The following CPXM2 variants were observed in gnomAD, a reference collection of about 807,000 sequenced individuals.
The protein encoded by CPXM2 is carboxypeptidase X, M14 family member 2.
A neutral mutation model predicts 86.1 loss-of-function variants in CPXM2; 66 were observed. The observed-to-expected ratio is 0.77, with a 90% CI of 0.63 to 0.94. The LOEUF is 0.94. CPXM2 is among the 40% of genes least tolerant of loss of function. CPXM2 has a pLI of 0.00. For synonymous variants in CPXM2, 388 were observed against 400.2 expected (o/e 0.97, Z 0.36); for missense variants, 948 against 1,026.3 (o/e 0.92, Z 1.04).
In CPXM2 at chr10:123,770,914, A is replaced by T. The variant is rs1335083700; in HGVS notation, c.1102+2T>A. On this transcript the variant is annotated splice_donor_variant, in intron 8 of 13. Coordinates refer to ENST00000241305, the MANE Select transcript of CPXM2 (RefSeq NM_198148.3). LOFTEE classifies it high-confidence loss of function. The stretch of plus-strand genomic sequence containing the variant: ...CAAGCATCCCAGAGGGGCCCTTCTC[A>T]CCGACTTCATGCTCCCCAGGGTGAT... 9 of 1,611,158 alleles carry T rather than the reference A, an allele frequency of 5.6e-6. No homozygotes were observed. The highest frequency in any genetic ancestry group is 7.6e-6 in the Non-Finnish European group (9 of 1,179,280).
At chr10:123,845,525 G>A (rs1848478038) in intron 3 of CPXM2, among the ~76,000 whole-genome samples, 1 of 151,892 alleles carries the variant, frequency 6.6e-6, no homozygotes, top group Non-Finnish European at 1.5e-5. Context: ...AAAATAGAAA[G>A]GCTTTCTATT....
chr10:123,806,290 A>AT (rs1847577110), intron 4 of CPXM2, among the ~76,000 whole-genome samples: 1 of 152,068 alleles, frequency 6.6e-6, no homozygotes. Context: ...AAAAATTTTG[A>AT]TTTTATTGGC....
intron 2 of CPXM2, among the ~76,000 whole-genome samples, chr10:123,897,789 G>A (rs1242970820): frequency 1.3e-5 from 2 of 152,256 alleles, no homozygotes; most frequent in African/African-American, 4.8e-5. Context: ...AGCGTGAGAA[G>A]CCAAGAAGCA....
chr10:123,891,791 C>T lies in CPXM2; in HGVS notation c.-132G>A, dbSNP rs1217849532. On this transcript the variant is annotated 5_prime_UTR_variant, in exon 1 of 14. Coordinates refer to ENST00000241305, the MANE Select transcript of CPXM2 (RefSeq NM_198148.3). The surrounding 1 kb of genome is among the most constrained non-coding windows in gnomAD (Gnocchi z 5.6). ...GGCGCGCTTGGGCGCGGGAGGCGGC[C>T]GGCTGGCTGCGCGTGTGACCGGCCC... is the stretch of plus-strand genomic sequence containing the variant. 4.2e-6 allele frequency: 2 copies of T among 480,034 alleles called. No homozygotes were observed. Among genetic ancestry groups the T allele is most frequent in the South Asian group, 9.6e-5 (1 of 10,412 alleles). 29.7% of individuals were successfully genotyped at this position (480,034 alleles called of 1,614,324 possible).
rs565698970 is a variant in CPXM2, at chr10:123,885,142, G to A, written c.305-4833C>T. Reference sequence around the variant, plus strand: ...AGTAGCACAGGTGAAAAGTTGAAGGGGAAACACCAATAACTCAGGCTGTGT... The same window carrying A: ...AGTAGCACAGGTGAAAAGTTGAAGGAGAAACACCAATAACTCAGGCTGTGT... On this transcript the variant is annotated intron_variant, in intron 1 of 13. Transcript: ENST00000241305. This position sits in a 1 kb window ranked among gnomAD's most constrained non-coding sequence, Gnocchi z 4.0. 6.6e-6 allele frequency among the ~76,000 whole-genome samples: 1 copy of A among 152,272 alleles called. No homozygotes were observed. Among genetic ancestry groups the A allele is most frequent in the Admixed American group, 6.5e-5 (1 of 15,308 alleles).
chr10:123,884,899 C>G (rs531502938), intron 1 of CPXM2, among the ~76,000 whole-genome samples: 1 of 152,368 alleles, frequency 6.6e-6, no homozygotes, highest in African/African-American at 2.4e-5. Flanking sequence ...GTGGCCCCCA[C>G]TCTTGCCCTC....
At chr10:123,788,927 G>C (rs1289971626) in intron 6 of CPXM2, among the ~76,000 whole-genome samples, 2 of 150,526 alleles carry the variant, frequency 1.3e-5, no homozygotes, top group African/African-American at 4.9e-5. Context: ...TGCTCTCCGA[G>C]GACTGAGGAC....
chr10:123,943,834 T>A (rs1429300096), upstream of CPXM2, among the ~76,000 whole-genome samples: 1 of 152,182 alleles, frequency 6.6e-6, no homozygotes, highest in African/African-American at 2.4e-5. Flanking sequence ...CCTGGTCCTC[T>A]TCCCAGATGG....
intron 1 of CPXM2, among the ~76,000 whole-genome samples, chr10:123,880,514 T>C (rs1945065293): frequency 6.6e-6 from 1 of 152,150 alleles, no homozygotes; most frequent in African/African-American, 2.4e-5. Flanking sequence ...GAAACACTCC[T>C]AATAAAAACA....
intron 3 of CPXM2, among the ~76,000 whole-genome samples, chr10:123,848,063 T>C (rs1848533967): frequency 6.6e-6 from 1 of 152,248 alleles, no homozygotes; most frequent in South Asian, 2.1e-4. Flanking sequence ...AAAGTGATAG[T>C]TATTTTAAAA....
intron 3 of CPXM2, among the ~76,000 whole-genome samples, chr10:123,857,959 G>A (rs1450743954): frequency 1.3e-5 from 2 of 152,170 alleles, no homozygotes; most frequent in South Asian, 2.1e-4. Flanking sequence ...ACACTCACCC[G>A]TGACAGTGCA....
chr10:123,915,361 C>A (rs1945526743), intron 2 of CPXM2, among the ~76,000 whole-genome samples: 1 of 152,120 alleles, frequency 6.6e-6, no homozygotes, highest in Non-Finnish European at 1.5e-5. Flanking sequence ...AGTTCGAGAC[C>A]AGACTGGCCA....
chr10:123,919,734 G>T (rs1008535090), intron 2 of CPXM2, among the ~76,000 whole-genome samples: 2 of 152,194 alleles, frequency 1.3e-5, no homozygotes, highest in Non-Finnish European at 2.9e-5. Context: ...ACCTGGGACT[G>T]GGTAATTTAT....
intron 4 of CPXM2, among the ~76,000 whole-genome samples, chr10:123,829,640 AT>A (rs1301551845): frequency 2.6e-5 from 4 of 152,176 alleles, no homozygotes; most frequent in Non-Finnish European, 5.9e-5. Flanking sequence ...ATCAACAGAA[AT>A]TTTTCATGGA....
At chr10:123,905,499 C>G (rs922465781) in intron 2 of CPXM2, among the ~76,000 whole-genome samples, 1 of 152,182 alleles carries the variant, frequency 6.6e-6, no homozygotes, top group Admixed American at 6.5e-5. Context: ...GTTTGAGCCC[C>G]TGACTTTTCT....
chr10:123,917,819 T>C (rs1442865416), intron 2 of CPXM2, among the ~76,000 whole-genome samples: 3 of 152,200 alleles, frequency 2.0e-5, no homozygotes, highest in African/African-American at 4.8e-5. Flanking sequence ...CCCACATGCC[T>C]CAACACTGTG....
At chr10:123,797,589 T>C (rs908673227) in intron 6 of CPXM2, among the ~76,000 whole-genome samples, 1 of 152,206 alleles carries the variant, frequency 6.6e-6, no homozygotes, top group African/African-American at 2.4e-5. Flanking sequence ...TTTACCTTTT[T>C]ATTTTTTTGA....
At chr10:123,916,543 T>C (rs951462252) in intron 2 of CPXM2, among the ~76,000 whole-genome samples, 2 of 152,162 alleles carry the variant, frequency 1.3e-5, no homozygotes, top group African/African-American at 4.8e-5. Flanking sequence ...GCCCACTCCT[T>C]TGAGTGGTGA....
intron 4 of CPXM2, among the ~76,000 whole-genome samples, chr10:123,836,670 C>T (rs776937404): frequency 9.9e-5 from 15 of 152,204 alleles, no homozygotes; most frequent in African/African-American, 3.4e-4. Context: ...GTCACATCCC[C>T]TGTCTGCAGA....
Sources: gnomAD v4.1 joint callset for allele counts (sites outside exome capture counted in the v4.1 genomes callset) on GRCh38, gnomAD v4.1.1 for gene constraint, Gnocchi (gnomAD v3.1) non-coding constraint, MANE v1.5 for transcripts, NCBI Gene and HGNC (gene_info 2026-07-23, HGNC 2026-07-21) for gene names.